ERP29: variants seen among roughly 807,000 people sequenced by gnomAD.
ERP29 encodes endoplasmic reticulum protein 29.
A neutral mutation model predicts 21.7 loss-of-function variants in ERP29; 14 were observed. That is an observed-to-expected ratio of 0.64 (90% CI 0.43 to 1.01). The LOEUF is 1.01. Among genes scored for constraint, ERP29 ranks in the 50% least tolerant of loss-of-function variants. The pLI is 0.00. For missense variants in ERP29, 286 were observed against 327.3 expected (o/e 0.87, Z 0.97); for synonymous variants, 129 against 139.1 (o/e 0.93, Z 0.51).
chr12:112,015,596 C>T (rs1396003316), intron 1 of ERP29, among the ~76,000 whole-genome samples: 2 of 152,142 alleles, frequency 1.3e-5, no homozygotes, highest in African/African-American at 4.8e-5. Flanking sequence ...AATGACACCC[C>T]TACCCCACCC....
chr12:112,016,155 T>C (rs16941831), intron 1 of ERP29, among the ~76,000 whole-genome samples: 10,039 of 152,348 alleles, frequency 0.066, 374 homozygotes, highest in Middle Eastern at 0.16. Flanking sequence ...TTCCTGATCG[T>C]CTGCGCTGCA....
chr12:112,022,193 G>A lies in ERP29; in HGVS notation c.327G>A (p.Lys109=). 1.2e-6 allele frequency: 2 copies of A among 1,614,192 alleles called. No homozygotes were observed. Among genetic ancestry groups the A allele is most frequent in the Non-Finnish European group, 8.5e-7 (1 of 1,180,020 alleles). ...KLNMELSEKY[K]LDKESYPVFY... is the part of the protein sequence containing the mutation. Reference sequence around the variant, plus strand: ...ACATGGAGCTGAGTGAGAAATACAAGCTGGACAAAGAGAGCTACCCAGTCT... The same window carrying A: ...ACATGGAGCTGAGTGAGAAATACAAACTGGACAAAGAGAGCTACCCAGTCT... Residue 109 remains lysine, a synonymous_variant, in exon 3 of 3, where the codon AAG becomes AAA. Transcript: ENST00000261735.
chr12:112,017,451 C>T (rs1328590061), intron 1 of ERP29, among the ~76,000 whole-genome samples: 1 of 152,054 alleles, frequency 6.6e-6, no homozygotes, highest in Non-Finnish European at 1.5e-5. Flanking sequence ...GAGCCTTGAA[C>T]GATAAAGAGA....
intron 1 of ERP29, among the ~76,000 whole-genome samples, chr12:112,017,783 CT>C (rs1179680378): frequency 4.3e-3 from 533 of 124,138 alleles, no homozygotes; most frequent in Non-Finnish European, 5.1e-3. Flanking sequence ...CTTTTTTTTT[CT>C]TTTTTTTTTT....
rs752231140 is a variant in ERP29 at position 112,013,512 on chromosome 12, C to G, written c.47C>G (p.Pro16Arg). The G allele has an allele frequency of 2.7e-5, 44 of 1,612,542 alleles. No homozygotes were observed. Among genetic ancestry groups the G allele is most frequent in the Non-Finnish European group, 3.6e-5 (42 of 1,179,450 alleles). The change falls in exon 1 of 3, where the codon CCC (proline) becomes CGC (arginine). Residue 16 changes from proline to arginine, a missense_variant. Physicochemically the swap from Pro to Arg is moderately radical, Grantham distance 103. Coordinates refer to ENST00000261735, the MANE Select transcript of ERP29 (RefSeq NM_006817.4). ...PRAAFLSPLL[P>R]LLLGFLLLSA... ...GCCGCATTTCTCTCCCCGCTGCTTC[C>G]CCTTCTCCTGGGCTTCCTGCTCCTC...
At chr12:112,020,994 G>A (rs979448329) in intron 2 of ERP29, among the ~76,000 whole-genome samples, 3 of 152,178 alleles carry the variant, frequency 2.0e-5, no homozygotes, top group African/African-American at 4.8e-5. Flanking sequence ...GCCGTTTCTC[G>A]GCAAAGTGTA....
chr12:112,017,515 A>G (rs1215411999), intron 1 of ERP29, among the ~76,000 whole-genome samples: 1 of 152,208 alleles, frequency 6.6e-6, no homozygotes, highest in Non-Finnish European at 1.5e-5. Context: ...GAGCAAATGA[A>G]AAAGCTCTTG....
chr12:112,018,321 T>C (rs1363935399), intron 1 of ERP29, among the ~76,000 whole-genome samples: 1 of 151,804 alleles, frequency 6.6e-6, no homozygotes, highest in African/African-American at 2.4e-5. Context: ...GGCTAATTTT[T>C]TTTTTTTAAG....
At chr12:112,013,791 A>T (rs927273005) in intron 1 of ERP29, among the ~76,000 whole-genome samples, 182 bp downstream of exon 1, 4 of 152,240 alleles carry the variant, frequency 2.6e-5, no homozygotes, top group South Asian at 2.1e-4. Flanking sequence ...ACCACCGGGC[A>T]TGCACGCTTC....
At chr12:112,019,281 T>C (rs2078030609) in intron 1 of ERP29, 1 of 205,174 alleles carries the variant, frequency 4.9e-6, no homozygotes, top group Non-Finnish European at 1.0e-5. Flanking sequence ...GCCCTGAAAT[T>C]GCTGGGTTCA....
At chr12:112,016,612 C>T (rs910715543) in intron 1 of ERP29, among the ~76,000 whole-genome samples, 3 of 152,196 alleles carry the variant, frequency 2.0e-5, no homozygotes, top group African/African-American at 7.2e-5. Context: ...GGAAAATAGA[C>T]TTCTAAAGCT....
Position 112,022,505 on chromosome 12 carries a change from G to A in ERP29, c.639G>A (p.Gly213=). The part of the protein sequence containing the change: ...LKIMGKILDQ[G]EDFPASEMTR... ...TCATGGGGAAGATCTTAGACCAAGG[G>A]GAGGACTTCCCAGCATCAGAGATGA... The change falls in exon 3 of 3, where the codon GGG becomes GGA. Residue 213 remains glycine, a synonymous_variant. Coordinates refer to ENST00000261735, the MANE Select transcript of ERP29 (RefSeq NM_006817.4). 1 of 1,614,180 alleles carries A rather than the reference G, an allele frequency of 6.2e-7. No individual in the cohort carries two copies. Among genetic ancestry groups the A allele is most frequent in the Non-Finnish European group, 8.5e-7 (1 of 1,180,032 alleles).
chr12:112,021,587 G>A (rs1289880190), intron 2 of ERP29, among the ~76,000 whole-genome samples: 1 of 145,936 alleles, frequency 6.9e-6, no homozygotes, highest in Non-Finnish European at 1.5e-5. Flanking sequence ...GCGGTGGTGG[G>A]ATCTCGGATC....
In ERP29 at chr12:112,013,461, G is replaced by A. The variant is rs1161954905; in HGVS notation, c.-5G>A. 2 of 1,608,962 alleles carry A rather than the reference G, an allele frequency of 1.2e-6. No individual in the cohort carries two copies. Among genetic ancestry groups the A allele is most frequent in the Non-Finnish European group, 1.7e-6 (2 of 1,177,614 alleles). ...ACCTACCTCCCTCTGCAGGAACCCG[G>A]CGATATGGCTGCCGCTGTGCCCCGC... On this transcript the variant is annotated 5_prime_UTR_variant, in exon 1 of 3. Coordinates refer to ENST00000261735, the MANE Select transcript of ERP29 (RefSeq NM_006817.4).
intron 2 of ERP29, 77 bp downstream of exon 2, chr12:112,019,971 T>C: frequency 7.1e-6 from 11 of 1,546,394 alleles, no homozygotes; most frequent in Non-Finnish European, 8.9e-6. Flanking sequence ...GGAACAGGAA[T>C]ACCCAGCATC....
chr12:112,020,707 A>G (rs1044252625), intron 2 of ERP29, among the ~76,000 whole-genome samples: 3 of 152,206 alleles, frequency 2.0e-5, no homozygotes, highest in African/African-American at 7.2e-5. Context: ...ACTCAACTTC[A>G]GGTAACTCCC....
chr12:112,022,683 T>TG lies in ERP29; in HGVS notation c.*36dup. Reference sequence around the variant, plus strand: ...CTGTCTGTGATTTTCCAGGGTTTGGTGGGGGTAGGGAGGGGAGAGTTAACC... The same window carrying TG: ...CTGTCTGTGATTTTCCAGGGTTTGGTGGGGGGTAGGGAGGGGAGAGTTAACC... On this transcript the variant is annotated 3_prime_UTR_variant, in exon 3 of 3. Transcript: ENST00000261735. 2 of 1,576,548 alleles carry TG rather than the reference T, an allele frequency of 1.3e-6. No homozygotes were observed. The highest frequency in any genetic ancestry group is 2.2e-5 in the East Asian group (1 of 44,584).
chr12:112,014,794 G>A (rs2077992326), intron 1 of ERP29: 1 of 152,282 alleles, frequency 6.6e-6, no homozygotes, highest in African/African-American at 2.4e-5. Flanking sequence ...GTGAAACCAA[G>A]AAGTAGTTGT....
At chr12:112,014,382 C>T (rs1294442350) in intron 1 of ERP29, among the ~76,000 whole-genome samples, 1 of 152,168 alleles carries the variant, frequency 6.6e-6, no homozygotes, top group Non-Finnish European at 1.5e-5. Context: ...AATCTAATGC[C>T]TGATGATCTG....
Sources: gnomAD v4.1 joint callset for allele counts (sites outside exome capture counted in the v4.1 genomes callset) on GRCh38, gnomAD v4.1.1 for gene constraint, MANE v1.5 for transcripts, NCBI Gene and HGNC (gene_info 2026-07-23, HGNC 2026-07-21) for gene names.